The following LHX3 variants were observed in gnomAD, a reference collection of about 807,000 sequenced individuals.
LHX3 encodes LIM/homeobox protein Lhx3.
Under a neutral mutation model 32.4 loss-of-function variants are expected in LHX3, and 21 were observed. The ratio of observed to expected loss-of-function variants is 0.65; its 90% CI spans 0.46 to 0.93. LHX3 has a LOEUF of 0.93. Among genes scored for constraint, LHX3 ranks in the 40% least tolerant of loss-of-function variants. The pLI, the probability that LHX3 is intolerant of heterozygous loss-of-function variation, is 0.00. For synonymous variants in LHX3, 258 were observed against 246.8 expected (o/e 1.05, Z -0.43); for missense variants, 626 against 560.0 (o/e 1.12, Z -1.19).
At chr9:136,203,305 G>A (rs1831692213) in intron 1 of LHX3, 1 of 271,528 alleles carries the variant, frequency 3.7e-6, no homozygotes, top group Non-Finnish European at 5.6e-6. Context: ...GCCGGGACCT[G>A]CGGTGCCCAG....
At chr9:136,200,789 A>G (rs1471168900) in intron 1 of LHX3, 36 bp from the exon 2 acceptor site, 1 of 1,611,544 alleles carries the variant, frequency 6.2e-7, no homozygotes, top group Non-Finnish European at 8.5e-7. Context: ...CACCTCGTAG[A>G]CCAGGAGGCA....
At chr9:136,202,080 G>T (rs1198445087) in intron 1 of LHX3, among the ~76,000 whole-genome samples, 1 of 152,098 alleles carries the variant, frequency 6.6e-6, no homozygotes, top group Admixed American at 6.5e-5. Context: ...GGGGTCGGCG[G>T]AGCCTGGACG....
chr9:136,204,941 C>G lies in LHX3; in HGVS notation c.72G>C (p.Gly24=). 6.2e-7 allele frequency: 1 copy of G among 1,600,804 alleles called. No homozygotes were observed. The change falls in exon 1 of 6, where the codon GGG becomes GGC. Residue 24 remains glycine (G), a synonymous_variant. Transcript: ENST00000371748. ...PGAAAVCTLG[G]TREIPLCAGC... is the part of the protein sequence containing the mutation. The stretch of plus-strand genomic sequence containing the variant: ...TGTCCTGCTGGGGCTTACCCCGAGT[C>G]CCGCCCAAGGTGCAGACGGCGGCGG...
At position 136,197,190 on chromosome 9, in the gene LHX3, G is replaced by T; in HGVS notation, c.*135C>A. The T allele has an allele frequency of 1.1e-6, 1 of 903,808 alleles. No individual in the cohort carries two copies. The allele number at this position is 903,808 out of a possible 1,614,324, so 56.0% of individuals were successfully genotyped here. On this transcript the variant is annotated 3_prime_UTR_variant, in exon 6 of 6. Coordinates refer to ENST00000371748, the MANE Select transcript of LHX3 (RefSeq NM_178138.6). ...CCCCCAGAGAGGGAGCTGTGCGGTC[G>T]GCAGTGGGAGGCTCCGAAGGCACCA...
At position 136,197,213 on chromosome 9, in the gene LHX3, C is replaced by G; in HGVS notation, c.*112G>C. The stretch of plus-strand genomic sequence containing the variant: ...TCGGCAGTGGGAGGCTCCGAAGGCA[C>G]CAGCCCTCCCTTGACGCCCTGGCCC... On this transcript the variant is annotated 3_prime_UTR_variant, in exon 6 of 6. Transcript: ENST00000371748. 8.4e-7 allele frequency: 1 copy of G among 1,186,428 alleles called. No homozygotes were observed. The highest frequency in any genetic ancestry group is 1.3e-5 in the South Asian group (1 of 75,658). The allele number at this position is 1,186,428 out of a possible 1,614,324, so 73.5% of individuals were successfully genotyped here. A position where few individuals can be genotyped will look rare whatever the true frequency, so the allele number is the denominator to read the frequency against.
At position 136,199,775 on chromosome 9, in the gene LHX3, G is replaced by C; in HGVS notation, c.357C>G (p.Val119=). The part of the protein sequence containing the change: ...FVYHLHCFAC[V]VCKRQLATGD... The stretch of plus-strand genomic sequence containing the variant: ...CCGTGGCCAGCTGCCGCTTGCACAC[G>C]ACGCAGGCAAAGCAGTGCAGGTGGT... Residue 119 remains valine, a synonymous_variant, in exon 3 of 6, where the codon GTC becomes GTG. Transcript: ENST00000371748. The C allele has an allele frequency of 6.2e-7, 1 of 1,612,880 alleles. No individual in the cohort carries two copies.
At position 136,203,032 on chromosome 9, in the gene LHX3, G is replaced by A. The variant is rs375579333; in HGVS notation, c.79+1902C>T. 1,953 of 1,519,580 alleles carry A rather than the reference G, an allele frequency of 1.3e-3. 1 individual carries two copies. Among genetic ancestry groups the A allele is most frequent in the Non-Finnish European group, 1.5e-3 (1,745 of 1,140,662 alleles). The allele number at this position is 1,519,580 out of a possible 1,614,324, so 94.1% of individuals were successfully genotyped here. A position where few individuals can be genotyped will look rare whatever the true frequency, so the allele number is the denominator to read the frequency against. Reference sequence around the variant, plus strand: ...CCGGGCCGGGCCCAGCTCCCCGCGCGCCTCCATGGGTCCCGCCGCCCGGCG... The same window carrying A: ...CCGGGCCGGGCCCAGCTCCCCGCGCACCTCCATGGGTCCCGCCGCCCGGCG... On this transcript the variant is annotated intron_variant, in intron 1 of 5. Transcript: ENST00000371748.
chr9:136,199,163 C>T (rs1292791164), intron 3 of LHX3, 104 bp from the exon 4 acceptor site: 8 of 539,568 alleles, frequency 1.5e-5, no homozygotes, highest in African/African-American at 4.0e-5. Flanking sequence ...CCTCAGGTGC[C>T]CACCCCCATC....
At chr9:136,198,487 G>A (rs1321188191) in intron 5 of LHX3, among the ~76,000 whole-genome samples, 165 bp downstream of exon 5, 1 of 152,250 alleles carries the variant, frequency 6.6e-6, no homozygotes, top group African/African-American at 2.4e-5. Flanking sequence ...CCAGGGCGGG[G>A]AGGGTGCTGG....
chr9:136,202,984 A>C (rs1426427763), intron 1 of LHX3: 7 of 1,527,746 alleles, frequency 4.6e-6, no homozygotes, highest in Admixed American at 2.0e-5. Context: ...CAGTGCTAGC[A>C]GCAGGTCGCC....
chr9:136,205,074 T>C lies in LHX3; in HGVS notation c.-62A>G, dbSNP rs903348785. ...TCCTAGGTCAGCGTCCCCTGGAGGG[T>C]TCGGGGCTCCCAAGTCCCGCCGCGT... On this transcript the variant is annotated 5_prime_UTR_variant, in exon 1 of 6. Coordinates refer to ENST00000371748, the MANE Select transcript of LHX3 (RefSeq NM_178138.6). The C allele has an allele frequency of 6.4e-6, 9 of 1,405,250 alleles. No homozygotes were observed. Among genetic ancestry groups the C allele is most frequent in the Non-Finnish European group, 8.7e-6 (9 of 1,036,944 alleles). 87.0% of individuals were successfully genotyped at this position (1,405,250 alleles called of 1,614,324 possible). A position where few individuals can be genotyped will look rare whatever the true frequency, so the allele number is the denominator to read the frequency against.
chr9:136,199,357 A>G (rs1025011517), intron 3 of LHX3, among the ~76,000 whole-genome samples: 28 of 152,282 alleles, frequency 1.8e-4, no homozygotes, highest in East Asian at 7.8e-4. Flanking sequence ...CCCTTCTCCA[A>G]GCACCCTGAT....
At chr9:136,198,131 C>G (rs1251102916) in intron 5 of LHX3, among the ~76,000 whole-genome samples, 3 of 152,202 alleles carry the variant, frequency 2.0e-5, no homozygotes, top group African/African-American at 7.2e-5. Context: ...AAGAGAGTGT[C>G]TTGTCCACAT....
chr9:136,202,836 G>T, intron 1 of LHX3: 3 of 1,286,122 alleles, frequency 2.3e-6, no homozygotes, highest in Non-Finnish European at 2.2e-6. Flanking sequence ...GGGTCCTCGC[G>T]CCCACTCCCG....
intron 1 of LHX3, 115 bp downstream of exon 1, chr9:136,204,819 C>T: frequency 2.3e-6 from 2 of 859,772 alleles, no homozygotes; most frequent in African/African-American, 1.7e-5. Flanking sequence ...TCTCTGTGTC[C>T]CGCCTGCAGA....
rs760706418 is a variant in LHX3, at chr9:136,199,068, C to T, written c.455-9G>A. ...GGCCGTGGCCTCGGCCTCTGCGCGGCGGGCGAGCGGTGAGGCGCGGCAGCC... is the reference window on the plus strand; with the variant it reads ...GGCCGTGGCCTCGGCCTCTGCGCGGTGGGCGAGCGGTGAGGCGCGGCAGCC... On this transcript the variant is annotated splice_polypyrimidine_tract_variant and intron_variant, in intron 3 of 5. Coordinates refer to ENST00000371748, the MANE Select transcript of LHX3 (RefSeq NM_178138.6). The T allele has an allele frequency of 2.0e-6, 3 of 1,498,222 alleles. No homozygotes were observed. Among genetic ancestry groups the T allele is most frequent in the Middle Eastern group, 2.0e-4 (1 of 5,044 alleles). The allele number at this position is 1,498,222 out of a possible 1,614,324, so 92.8% of individuals were successfully genotyped here.
In LHX3 at chr9:136,199,016, G is replaced by C. The variant is rs1204491192; in HGVS notation, c.498C>G (p.Ala166=). ...CGCTCTTCAGCGTCTCCAGCTGCTT[G>C]GCGGTGATGGTCGTGCGCGGCCGCT... is the stretch of plus-strand genomic sequence containing the variant. ...TAKRPRTTIT[A]KQLETLKSAY... is the part of the protein sequence containing the mutation. Residue 166 remains alanine (A), a synonymous_variant, in exon 4 of 6, where the codon GCC becomes GCG. Coordinates refer to ENST00000371748, the MANE Select transcript of LHX3 (RefSeq NM_178138.6). The C allele has an allele frequency of 1.3e-6, 2 of 1,588,284 alleles. No individual in the cohort carries two copies. The highest frequency in any genetic ancestry group is 2.3e-5 in the South Asian group (2 of 88,302).
chr9:136,201,403 A>G, intron 1 of LHX3: 1 of 1,232,888 alleles, frequency 8.1e-7, no homozygotes, highest in Non-Finnish European at 1.0e-6. Context: ...AGAGTTACTC[A>G]AACGTCTGGC....
Position 136,196,849 on chromosome 9 carries a change from C to G in LHX3, c.*476G>C, listed in dbSNP as rs1004540400. 1.1e-5 allele frequency: 2 copies of G among 178,354 alleles called. No homozygotes were observed. Among genetic ancestry groups the G allele is most frequent in the African/African-American group, 4.8e-5 (2 of 41,720 alleles). The allele number at this position is 178,354 out of a possible 1,614,324, so 11.0% of individuals were successfully genotyped here. A position where few individuals can be genotyped will look rare whatever the true frequency, so the allele number is the denominator to read the frequency against. ...TCCCCGCCTCTGCAGCCTCTTGCCTCGACAGGCAAGGCCAATCTCCGACCT... is the reference window on the plus strand; with the variant it reads ...TCCCCGCCTCTGCAGCCTCTTGCCTGGACAGGCAAGGCCAATCTCCGACCT... On this transcript the variant is annotated 3_prime_UTR_variant, in exon 6 of 6. Coordinates refer to ENST00000371748, the MANE Select transcript of LHX3 (RefSeq NM_178138.6).
Sources: allele counts gnomAD v4.1 joint callset (sites outside exome capture counted in the v4.1 genomes callset), GRCh38; gene constraint gnomAD v4.1.1; transcripts MANE v1.5; gene names NCBI Gene and HGNC (gene_info 2026-07-23, HGNC 2026-07-21).